PAK5: variants seen among roughly 807,000 people sequenced by gnomAD.
PAK5 encodes serine/threonine-protein kinase PAK 5.
Under a neutral mutation model 65.9 loss-of-function variants are expected in PAK5, and 16 were observed. That is an observed-to-expected ratio of 0.24 (90% CI 0.16 to 0.37). PAK5 has a LOEUF of 0.37. PAK5 is among the 10% of genes least tolerant of loss of function. The pLI is 1.00. For missense variants in PAK5, 785 were observed against 903.9 expected (o/e 0.87, Z 1.69); for synonymous variants, 371 against 354.9 (o/e 1.05, Z -0.51).
At chr20:9,728,593 ACT>A (rs2048301612) in intron 1 of PAK5, among the ~76,000 whole-genome samples, 1 of 152,252 alleles carries the variant, frequency 6.6e-6, no homozygotes, top group South Asian at 2.1e-4. Flanking sequence ...AGGAAAAATA[ACT>A]CAGTTTGCAA....
At chr20:9,828,762 G>T (rs544296156) in intron 1 of PAK5, among the ~76,000 whole-genome samples, 1 of 152,256 alleles carries the variant, frequency 6.6e-6, no homozygotes, top group East Asian at 1.9e-4. Flanking sequence ...ATTTTAATTG[G>T]AAATGAAGCT....
chr20:9,793,141 A>T (rs1412075509), intron 1 of PAK5, among the ~76,000 whole-genome samples: 3 of 152,080 alleles, frequency 2.0e-5, no homozygotes, highest in Non-Finnish European at 4.4e-5. Flanking sequence ...TCTACCTCTC[A>T]GTTCTTTCTT....
intron 1 of PAK5, among the ~76,000 whole-genome samples, chr20:9,758,322 C>G (rs552571460): frequency 6.6e-6 from 1 of 152,228 alleles, no homozygotes; most frequent in South Asian, 2.1e-4. Flanking sequence ...CTCCCCAACA[C>G]ATGTGGCCAA....
At chr20:9,817,191 C>G (rs1170285835) in intron 1 of PAK5, among the ~76,000 whole-genome samples, 1 of 152,232 alleles carries the variant, frequency 6.6e-6, no homozygotes, top group South Asian at 2.1e-4. Flanking sequence ...AACATTATAA[C>G]AGTTTTTGGC....
intron 3 of PAK5, among the ~76,000 whole-genome samples, chr20:9,613,927 C>T (rs1332352127): frequency 6.6e-6 from 1 of 152,120 alleles, no homozygotes; most frequent in Non-Finnish European, 1.5e-5. Context: ...TGACCCAGTG[C>T]ATCACATCTG....
intron 2 of PAK5, among the ~76,000 whole-genome samples, chr20:9,654,194 A>T (rs1028638114): frequency 2.6e-5 from 4 of 151,982 alleles, no homozygotes; most frequent in East Asian, 1.9e-4. Context: ...GCTGTTCTCA[A>T]ACTCCTGACC....
At chr20:9,666,193 A>G (rs1276818318) in intron 2 of PAK5, among the ~76,000 whole-genome samples, 1 of 152,136 alleles carries the variant, frequency 6.6e-6, no homozygotes, top group African/African-American at 2.4e-5. Context: ...TTACAAAGAT[A>G]TTTACAGACA....
At chr20:9,796,288 T>C (rs1423054364) in intron 1 of PAK5, among the ~76,000 whole-genome samples, 1 of 151,994 alleles carries the variant, frequency 6.6e-6, no homozygotes. Context: ...GAGGCTTCTA[T>C]TGGATGGGTA....
chr20:9,567,013 G>A (rs916345247), intron 4 of PAK5, among the ~76,000 whole-genome samples: 6 of 152,142 alleles, frequency 3.9e-5, no homozygotes, highest in Admixed American at 6.5e-5. Flanking sequence ...ATTTATTGGA[G>A]GAGAATGGGG....
intron 1 of PAK5, among the ~76,000 whole-genome samples, chr20:9,802,208 T>C (rs1444294276): frequency 6.6e-6 from 1 of 152,096 alleles, no homozygotes; most frequent in Non-Finnish European, 1.5e-5. Context: ...TCCCATGCTT[T>C]GGCTAGAAAC....
chr20:9,831,762 G>C (rs1377985410), intron 1 of PAK5, among the ~76,000 whole-genome samples: 4 of 152,110 alleles, frequency 2.6e-5, no homozygotes, highest in Admixed American at 2.6e-4. Flanking sequence ...CCCACCTCGA[G>C]TTCCCAAAGT....
intron 1 of PAK5, among the ~76,000 whole-genome samples, chr20:9,756,866 G>A (rs996011238): frequency 6.6e-6 from 1 of 152,060 alleles, no homozygotes; most frequent in African/African-American, 2.4e-5. Context: ...ATCTCACTAT[G>A]GGAACACACC....
At chr20:9,797,379 A>G (rs1189570077) in intron 1 of PAK5, among the ~76,000 whole-genome samples, 2 of 151,750 alleles carry the variant, frequency 1.3e-5, no homozygotes, top group African/African-American at 4.8e-5. Flanking sequence ...CATCATTCTC[A>G]GCAAACTATC....
intron 3 of PAK5, among the ~76,000 whole-genome samples, chr20:9,586,067 G>A (rs16996114): frequency 0.067 from 10,260 of 152,148 alleles, 669 homozygotes; most frequent in African/African-American, 0.17. Flanking sequence ...TACCATCTTT[G>A]GGGTCAGGAT....
At chr20:9,764,105 T>C (rs187690156) in intron 1 of PAK5, among the ~76,000 whole-genome samples, 4 of 152,204 alleles carry the variant, frequency 2.6e-5, no homozygotes, top group Non-Finnish European at 5.9e-5. Context: ...ATGTCCTTTA[T>C]AGTTTCATTT....
chr20:9,604,581 C>T (rs1302741842), intron 3 of PAK5, among the ~76,000 whole-genome samples: 1 of 152,184 alleles, frequency 6.6e-6, no homozygotes, highest in East Asian at 1.9e-4. Context: ...AGCCAGGTCT[C>T]TCTAGAGCCA....
chr20:9,644,400 A>G, intron 2 of PAK5, 61 bp from the exon 3 acceptor site: 1 of 1,089,538 alleles, frequency 9.2e-7, no homozygotes, highest in Non-Finnish European at 1.4e-6. Context: ...AGACCAGGAG[A>G]AAGCTATTGT....
intron 1 of PAK5, among the ~76,000 whole-genome samples, chr20:9,797,970 C>A (rs2049124698): frequency 1.3e-5 from 2 of 151,920 alleles, no homozygotes; most frequent in African/African-American, 4.8e-5. Flanking sequence ...AGAGAAGTAC[C>A]CCAACCTGTA....
intron 2 of PAK5, among the ~76,000 whole-genome samples, chr20:9,657,541 A>G (rs1401882476): frequency 6.6e-6 from 1 of 152,228 alleles, no homozygotes; most frequent in East Asian, 1.9e-4. Flanking sequence ...CATTTTAGAT[A>G]AAACAAAACA....
Sources: gnomAD v4.1 joint callset for allele counts (sites outside exome capture counted in the v4.1 genomes callset) on GRCh38, gnomAD v4.1.1 for gene constraint, MANE v1.5 for transcripts, NCBI Gene and HGNC (gene_info 2026-07-23, HGNC 2026-07-21) for gene names.